The following CSGALNACT1 variants were observed in gnomAD, a reference collection of about 807,000 sequenced individuals.
CSGALNACT1 encodes beta4GalNAcT-1.
Under a neutral mutation model 51.0 loss-of-function variants are expected in CSGALNACT1, and 52 were observed. The ratio of observed to expected loss-of-function variants is 1.02; its 90% CI spans 0.82 to 1.29. CSGALNACT1 has a LOEUF of 1.29. Ranked by LOEUF, CSGALNACT1 falls within the 50% of genes most tolerant of loss-of-function variation. The probability of loss-of-function intolerance (pLI) is 0.00; values close to 1 mark genes in which losing one functional copy is unlikely to be tolerated. For missense variants in CSGALNACT1, 935 were observed against 679.2 expected, an observed-to-expected ratio of 1.38 and a Z score of -4.19; for synonymous variants, 341 against 254.4, an observed-to-expected ratio of 1.34 and a Z score of -3.24.
chr8:19,525,573 T>G (rs182709619), intron 3 of CSGALNACT1, among the ~76,000 whole-genome samples: 2 of 119,512 alleles, frequency 1.7e-5, no homozygotes, highest in African/African-American at 6.5e-5. Flanking sequence ...GCTGAGATCA[T>G]GCCACTGCAT....
chr8:19,575,186 C>A (rs989094240), intron 3 of CSGALNACT1, among the ~76,000 whole-genome samples: 1 of 152,170 alleles, frequency 6.6e-6, no homozygotes, highest in Admixed American at 6.5e-5. Flanking sequence ...TTACACCTCT[C>A]CTCTATAACC....
intron 6 of CSGALNACT1, among the ~76,000 whole-genome samples, chr8:19,424,038 C>T (rs889404286): frequency 6.6e-6 from 1 of 151,942 alleles, no homozygotes; most frequent in Non-Finnish European, 1.5e-5. Context: ...TCTAGCTTTG[C>T]CTGGGACTTT....
intron 3 of CSGALNACT1, among the ~76,000 whole-genome samples, chr8:19,526,466 C>G (rs1035390611): frequency 3.3e-5 from 5 of 152,118 alleles, no homozygotes; most frequent in Non-Finnish European, 7.3e-5. Context: ...GCCTGTAGTG[C>G]CAGCTACTCG....
chr8:19,667,971 T>A (rs1021771834), intron 1 of CSGALNACT1, among the ~76,000 whole-genome samples: 1 of 152,126 alleles, frequency 6.6e-6, no homozygotes, highest in African/African-American at 2.4e-5. Context: ...ATGAGCATAG[T>A]GAAGTTGAAC....
chr8:19,419,066 A>G (rs1015184807), intron 7 of CSGALNACT1, among the ~76,000 whole-genome samples: 2 of 152,068 alleles, frequency 1.3e-5, no homozygotes, highest in African/African-American at 4.8e-5. Flanking sequence ...GGCTGGTCTC[A>G]AACTCCTGAT....
chr8:19,419,363 C>T (rs1344666931), intron 7 of CSGALNACT1, among the ~76,000 whole-genome samples: 1 of 152,180 alleles, frequency 6.6e-6, no homozygotes, highest in East Asian at 1.9e-4. Context: ...AAACATTAAC[C>T]CTTTACTTGC....
At chr8:19,482,791 C>G (rs2071796760) in intron 4 of CSGALNACT1, among the ~76,000 whole-genome samples, 2 of 152,172 alleles carry the variant, frequency 1.3e-5, no homozygotes, top group African/African-American at 4.8e-5. Flanking sequence ...AACCCCTTAG[C>G]TCCAAATTTG....
intron 3 of CSGALNACT1, among the ~76,000 whole-genome samples, chr8:19,528,642 C>T (rs188754336): frequency 2.3e-4 from 35 of 152,286 alleles, no homozygotes; most frequent in African/African-American, 7.0e-4. Context: ...CTTAAACCCA[C>T]CCCCAAATCA....
chr8:19,481,351 T>G (rs1489042902), intron 4 of CSGALNACT1, among the ~76,000 whole-genome samples: 3 of 152,200 alleles, frequency 2.0e-5, no homozygotes, highest in Non-Finnish European at 2.9e-5. Flanking sequence ...CGTCTCATTT[T>G]CCCAACTCAG....
At position 19,405,977 on chromosome 8, in the gene CSGALNACT1, G is replaced by C. The variant is rs756700104; in HGVS notation, c.1402C>G (p.Pro468Ala). The C allele has an allele frequency of 5.5e-5, 89 of 1,614,068 alleles. No individual in the cohort carries two copies. Among genetic ancestry groups the C allele is most frequent in the Non-Finnish European group, 7.4e-5 (87 of 1,180,048 alleles). ...CAGAGGTGGAAGAGTCCTCGCACAG[G>C]CGTCCGTACCACTATGAGGTTGCTG... The change falls in exon 10 of 10, where the codon CCT becomes GCT. Residue 468 changes from proline to alanine, a missense_variant. By Grantham distance (27) the Pro-to-Ala change is conservative. Coordinates refer to ENST00000454498, the Ensembl canonical transcript of CSGALNACT1.
intron 6 of CSGALNACT1, among the ~76,000 whole-genome samples, chr8:19,428,825 A>ATGTGTGTGTGTGTG (rs59241616): frequency 2.8e-5 from 4 of 143,462 alleles, no homozygotes; most frequent in Admixed American, 6.9e-5. Flanking sequence ...AAGACATGAT[A>ATGTGTGTGTGTGTG]TGTGTGTGTG....
At chr8:19,571,753 A>G (rs2043093137) in intron 3 of CSGALNACT1, among the ~76,000 whole-genome samples, 1 of 152,222 alleles carries the variant, frequency 6.6e-6, no homozygotes, top group African/African-American at 2.4e-5. Flanking sequence ...GACTTTTCAG[A>G]GCTTTAAAGC....
In CSGALNACT1 at chr8:19,505,610, C is replaced by G. The variant is rs142482823; in HGVS notation, c.225G>C (p.Leu75=). The G allele has an allele frequency of 1.7e-5, 28 of 1,614,156 alleles. 1 individual carries two copies. In the African/African-American group the frequency reaches 3.5e-4, roughly 20 times the overall value. ...CCTTGAGCTGTGCGATCTGCCGCTT[C>G]AGGCTGCTCACGTAGTTGCGGTGCT... The change falls in exon 4 of 10, where the codon CTG becomes CTC. Residue 75 remains leucine, a synonymous_variant. Coordinates refer to ENST00000454498, the Ensembl canonical transcript of CSGALNACT1.
intron 5 of CSGALNACT1, among the ~76,000 whole-genome samples, chr8:19,445,551 C>T (rs968922593): frequency 1.3e-5 from 2 of 152,174 alleles, no homozygotes; most frequent in Non-Finnish European, 2.9e-5. Flanking sequence ...CATTCGTGTA[C>T]TCTTCTCTTT....
In CSGALNACT1 at chr8:19,438,290, GA is replaced by G. The variant is rs2060727221; in HGVS notation, c.953+1539del. ...TGTTCTCAATTGTGGCTTCACTTTA[GA>G]ATCATCCGGGAAACTTTAAAGAACC... On this transcript the variant is annotated intron_variant, in intron 6 of 9. Transcript: ENST00000454498. 2.0e-5 allele frequency among the ~76,000 whole-genome samples: 3 copies of G among 152,150 alleles called. No homozygotes were observed. In the South Asian group the frequency reaches 6.2e-4, roughly 32 times the overall value.
intron 5 of CSGALNACT1, among the ~76,000 whole-genome samples, chr8:19,446,992 T>C (rs777978182): frequency 7.9e-5 from 12 of 152,192 alleles, no homozygotes; most frequent in Non-Finnish European, 1.8e-4. Flanking sequence ...ACAAAACATG[T>C]ATCACAGTCA....
At chr8:19,712,112 G>A (rs934255256) in intron 1 of CSGALNACT1, among the ~76,000 whole-genome samples, 15 of 152,054 alleles carry the variant, frequency 9.9e-5, no homozygotes, top group African/African-American at 2.9e-4. Flanking sequence ...TGCAAGCTCC[G>A]CCTCCCAGGT....
intron 4 of CSGALNACT1, among the ~76,000 whole-genome samples, chr8:19,481,723 A>C (rs1258774096): frequency 6.6e-6 from 1 of 152,158 alleles, no homozygotes; most frequent in Non-Finnish European, 1.5e-5. Flanking sequence ...GGGCCATAGA[A>C]AAAAGTGCTG....
At chr8:19,513,901 C>T (rs2078975724) in intron 3 of CSGALNACT1, among the ~76,000 whole-genome samples, 1 of 152,212 alleles carries the variant, frequency 6.6e-6, no homozygotes, top group East Asian at 1.9e-4. Context: ...CAAAATGTTA[C>T]ACATCACATA....
Sources: allele counts gnomAD v4.1 joint callset (sites outside exome capture counted in the v4.1 genomes callset), GRCh38; gene constraint gnomAD v4.1.1; transcripts MANE v1.5; gene names NCBI Gene and HGNC (gene_info 2026-07-23, HGNC 2026-07-21).